The following ERICH3 variants were observed in gnomAD, a reference collection of about 807,000 sequenced individuals.
ERICH3 encodes glutamate-rich protein 3.
A neutral mutation model predicts 131.1 loss-of-function variants in ERICH3; 126 were observed. That is an observed-to-expected ratio of 0.96 (90% confidence interval 0.83 to 1.11). The LOEUF (loss-of-function observed/expected upper bound fraction) is 1.11, where lower values mean the gene tolerates loss of function less well. Ranked by LOEUF, ERICH3 falls within the 50% of genes most tolerant of loss-of-function variation. ERICH3 has a pLI of 0.00. For missense variants in ERICH3, 2,050 were observed against 1,810.7 expected, an observed-to-expected ratio of 1.13 and a Z score of -2.40; for synonymous variants, 695 against 644.6, an observed-to-expected ratio of 1.08 and a Z score of -1.18.
intron 11 of ERICH3, 25 bp from the exon 12 acceptor site, chr1:74,590,105 T>G (rs1054808692): frequency 6.6e-7 from 1 of 1,519,174 alleles, no homozygotes. Context: ...AGTGATGACA[T>G]TGTTGTTGTT....
intron 12 of ERICH3, among the ~76,000 whole-genome samples, chr1:74,587,500 C>G (rs1231583907): frequency 1.3e-5 from 2 of 151,952 alleles, no homozygotes; most frequent in African/African-American, 4.8e-5. Flanking sequence ...AGCCAATACA[C>G]TTTTCATTTT....
intron 1 of ERICH3, among the ~76,000 whole-genome samples, chr1:74,669,284 T>C (rs1646719941): frequency 6.8e-6 from 1 of 146,180 alleles, no homozygotes; most frequent in African/African-American, 2.7e-5. Flanking sequence ...CTTTGAACAG[T>C]CTTTCAAAAC....
chr1:74,616,993 T>G (rs1570875698), intron 8 of ERICH3, among the ~76,000 whole-genome samples: 1 of 152,106 alleles, frequency 6.6e-6, no homozygotes, highest in South Asian at 2.1e-4. Context: ...GATATACTTT[T>G]GGGGACGTTA....
chr1:74,610,405 C>A (rs927678030), intron 9 of ERICH3, among the ~76,000 whole-genome samples: 2 of 148,564 alleles, frequency 1.3e-5, no homozygotes, highest in African/African-American at 5.0e-5. Context: ...TGTATGCCTT[C>A]TTTCTTTCCT....
At chr1:74,612,842 C>A in intron 8 of ERICH3, 33 bp from the exon 9 acceptor site, 1 of 1,508,562 alleles carries the variant, frequency 6.6e-7, no homozygotes, top group Non-Finnish European at 9.1e-7. Context: ...TTAGTGAAAG[C>A]AACTGACTTC....
At chr1:74,669,533 T>C (rs182893436) in intron 1 of ERICH3, among the ~76,000 whole-genome samples, 63 of 152,204 alleles carry the variant, frequency 4.1e-4, no homozygotes, top group Admixed American at 2.6e-3. Context: ...CACACATAAA[T>C]AGCAACATGA....
intron 6 of ERICH3, chr1:74,634,950 T>C (rs970909130): frequency 1.0e-5 from 4 of 382,256 alleles, no homozygotes; most frequent in Non-Finnish European, 1.8e-5. Flanking sequence ...TGATTTGGCT[T>C]CTCATATATG....
In ERICH3 at chr1:74,589,707, A is replaced by G; in HGVS notation, c.2100T>C (p.Asp700=). The change falls in exon 12 of 15, where the codon GAT becomes GAC. Residue 700 remains aspartate (D), a synonymous_variant. Transcript: ENST00000326665. ...KHVSAEEKEK[D]KSKLWEESTA... ...TGCTTTCTTCCCAAAGCTTACTCTT[A>G]TCCTTTTCCTTTTCTTCTGCAGAAA... 1 of 1,613,916 alleles carries G rather than the reference A, an allele frequency of 6.2e-7. No homozygotes were observed. The highest frequency in any genetic ancestry group is 8.5e-7 in the Non-Finnish European group (1 of 1,179,944).
At chr1:74,658,675 T>C (rs560591408) in intron 1 of ERICH3, among the ~76,000 whole-genome samples, 17 of 152,328 alleles carry the variant, frequency 1.1e-4, no homozygotes, top group Admixed American at 1.1e-3. Context: ...GTTAGGTTAA[T>C]TTCCTAAGGG....
chr1:74,645,194 A>G (rs542386046), intron 3 of ERICH3, among the ~76,000 whole-genome samples: 1 of 151,736 alleles, frequency 6.6e-6, no homozygotes, highest in South Asian at 2.1e-4. Flanking sequence ...GCACTTAGTC[A>G]CATTCTACAG....
In ERICH3 at chr1:74,631,882, T is replaced by A. The variant is rs779575463; in HGVS notation, c.650A>T (p.Gln217Leu). Residue 217 changes from glutamine (Q) to leucine (L), a missense_variant, in exon 7 of 15, where the codon CAG (glutamine) becomes CTG (leucine). Coordinates refer to ENST00000326665, the MANE Select transcript of ERICH3 (RefSeq NM_001002912.5). ...MKFRNSIGNS[Q>L]RMNSYQLPNI... ...TGGAAGTTGATATGAATTCATTCTC[T>A]GTGAATTGCCTATGGAGTTCCTGAA... is the stretch of plus-strand genomic sequence containing the variant. 1.4e-5 allele frequency: 22 copies of A among 1,613,388 alleles called. No homozygotes were observed. The Admixed American group carries it at 1.5e-4, about 11-fold the overall frequency.
At chr1:74,640,910 T>C (rs184137500) in intron 5 of ERICH3, among the ~76,000 whole-genome samples, 380 of 152,138 alleles carry the variant, frequency 2.5e-3, no homozygotes, top group African/African-American at 8.8e-3. Flanking sequence ...ATATAGAATA[T>C]GTATAGTGGT....
intron 1 of ERICH3, among the ~76,000 whole-genome samples, chr1:74,667,309 C>T (rs1327692068): frequency 6.6e-6 from 1 of 152,038 alleles, no homozygotes; most frequent in African/African-American, 2.4e-5. Context: ...TTTGTTTTCG[C>T]AAATTTTATC....
intron 11 of ERICH3, among the ~76,000 whole-genome samples, chr1:74,593,141 A>C (rs1379599453): frequency 6.6e-6 from 1 of 152,120 alleles, no homozygotes; most frequent in African/African-American, 2.4e-5. Context: ...TCATTGCGTG[A>C]GGTCTTGGCC....
Position 74,572,011 on chromosome 1 carries a change from C to G in ERICH3, c.3699G>C (p.Leu1233=), listed in dbSNP as rs752030106. 6.2e-7 allele frequency: 1 copy of G among 1,614,118 alleles called. No individual in the cohort carries two copies. The highest frequency in any genetic ancestry group is 2.2e-5 in the East Asian group (1 of 44,862). Residue 1233 remains leucine, a synonymous_variant, in exon 14 of 15, where the codon CTG becomes CTC. Coordinates refer to ENST00000326665, the MANE Select transcript of ERICH3 (RefSeq NM_001002912.5). ...PAGKVQAPEG[L]IPATGQAEEL... is the part of the protein sequence containing the mutation. The stretch of plus-strand genomic sequence containing the variant: ...CCTCTGCCTGGCCTGTGGCTGGGAT[C>G]AGCCCCTCAGGGGCCTGCACCTTTC...
chr1:74,571,598 A>C lies in ERICH3; in HGVS notation c.4112T>G (p.Ile1371Arg). 1 of 1,613,706 alleles carries C rather than the reference A, an allele frequency of 6.2e-7. No homozygotes were observed. Among genetic ancestry groups the C allele is most frequent in the Non-Finnish European group, 8.5e-7 (1 of 1,179,934 alleles). ...AGSETAEEKTIANKASSFSDV... is the reference protein window; with the variant it reads ...AGSETAEEKTRANKASSFSDV... ...TGAAAAGGAGGAGGCTTTATTTGCT[A>C]TTGTTTTCTCCTCGGCTGTCTCCGA... The change falls in exon 14 of 15, where the codon ATA becomes AGA. Residue 1371 changes from isoleucine to arginine, a missense_variant. By Grantham distance (97) the Ile-to-Arg change is moderately conservative. Coordinates refer to ENST00000326665, the MANE Select transcript of ERICH3 (RefSeq NM_001002912.5).
intron 11 of ERICH3, among the ~76,000 whole-genome samples, chr1:74,592,948 T>TA (rs570025474): frequency 3.3e-5 from 5 of 152,188 alleles, no homozygotes; most frequent in East Asian, 3.9e-4. Context: ...ATGCTTATAT[T>TA]AAAAAAAACT....
At chr1:74,626,920 G>A (rs1200130234) in intron 7 of ERICH3, among the ~76,000 whole-genome samples, 5 of 152,120 alleles carry the variant, frequency 3.3e-5, no homozygotes, top group Non-Finnish European at 7.4e-5. Flanking sequence ...AGAGGAGCAG[G>A]TGGTGGATAC....
In ERICH3 at chr1:74,570,310, A is replaced by G. The variant is rs146221261; in HGVS notation, c.*148T>C. ...CTGAGCTACTGACCAGGGCTGACAG[A>G]TTGGGAATCATCTCAGACAAGCGCA... On this transcript the variant is annotated 3_prime_UTR_variant, in exon 15 of 15. Coordinates refer to ENST00000326665, the MANE Select transcript of ERICH3 (RefSeq NM_001002912.5). 3.3e-5 allele frequency: 5 copies of G among 152,354 alleles called. No homozygotes were observed. The East Asian group carries it at 9.7e-4, about 29-fold the overall frequency. 9.4% of individuals were successfully genotyped at this position (152,354 alleles called of 1,614,324 possible).
Sources: allele counts gnomAD v4.1 joint callset (sites outside exome capture counted in the v4.1 genomes callset), GRCh38; gene constraint gnomAD v4.1.1; transcripts MANE v1.5; gene names NCBI Gene and HGNC (gene_info 2026-07-23, HGNC 2026-07-21).